The following ZFC3H1 variants were observed in gnomAD, a reference collection of about 807,000 sequenced individuals.
ZFC3H1 encodes the protein zinc finger C3H1 domain-containing protein.
ZFC3H1 carries 71 observed loss-of-function variants against 243.7 expected under a neutral mutation model. The ratio of observed to expected loss-of-function variants is 0.29; its 90% CI spans 0.24 to 0.36. The LOEUF (loss-of-function observed/expected upper bound fraction) is 0.36, where lower values mean the gene tolerates loss of function less well. Among genes scored for constraint, ZFC3H1 ranks in the 10% least tolerant of loss-of-function variants. The pLI, the probability that ZFC3H1 is intolerant of heterozygous loss-of-function variation, is 1.00. For missense variants in ZFC3H1, 1,966 were observed against 2,317.1 expected, an observed-to-expected ratio of 0.85 and a Z score of 3.11; for synonymous variants, 838 against 813.0, an observed-to-expected ratio of 1.03 and a Z score of -0.52.
At chr12:71,636,756 A>G in intron 8 of ZFC3H1, 94 bp downstream of exon 8, 1 of 1,557,574 alleles carries the variant, frequency 6.4e-7, no homozygotes, top group Non-Finnish European at 8.7e-7. Flanking sequence ...ACTTTGCTGA[A>G]AAGCCCAATG....
chr12:71,647,354 T>C (rs1880754013), intron 3 of ZFC3H1, among the ~76,000 whole-genome samples: 1 of 152,138 alleles, frequency 6.6e-6, no homozygotes, highest in Admixed American at 6.5e-5. Flanking sequence ...CTAAATAGTT[T>C]ATACAAAGTC....
chr12:71,624,275 A>G lies in ZFC3H1; in HGVS notation c.4335T>C (p.Ser1445=). 6.2e-7 allele frequency: 1 copy of G among 1,611,736 alleles called. No homozygotes were observed. Among genetic ancestry groups the G allele is most frequent in the Non-Finnish European group, 8.5e-7 (1 of 1,178,838 alleles). ...ATACGTAATCCTTTTCTTCAAAGGT[A>G]CTTTCTAGGTGTAGAAACTGCCCAA... The part of the protein sequence containing the change: ...QSFWTFLHLE[S]TFEEKDYVCE... The change falls in exon 23 of 35, where the codon AGT becomes AGC. Residue 1445 remains serine, a synonymous_variant. Transcript: ENST00000378743.
Position 71,610,760 on chromosome 12 carries a change from G to A in ZFC3H1, c.5770-3C>T. 3.1e-6 allele frequency: 5 copies of A among 1,612,396 alleles called. No individual in the cohort carries two copies. Among genetic ancestry groups the A allele is most frequent in the Non-Finnish European group, 2.5e-6 (3 of 1,179,160 alleles). ...GCTCTCTGATATAAACGGTGGACCT[G>A]TAAGATAGATATACACACAATTCCA... On this transcript the variant is annotated splice_region_variant and splice_polypyrimidine_tract_variant and intron_variant, in intron 33 of 34. Coordinates refer to ENST00000378743, the MANE Select transcript of ZFC3H1 (RefSeq NM_144982.5).
At chr12:71,630,419 G>C (rs1205225991) in intron 18 of ZFC3H1, among the ~76,000 whole-genome samples, 181 bp downstream of exon 18, 1 of 152,170 alleles carries the variant, frequency 6.6e-6, no homozygotes. Context: ...AATGTGGCTA[G>C]TGTAACAGAG....
At chr12:71,641,960 A>G (rs1379086910) in intron 6 of ZFC3H1, among the ~76,000 whole-genome samples, 1 of 152,068 alleles carries the variant, frequency 6.6e-6, no homozygotes, top group Non-Finnish European at 1.5e-5. Flanking sequence ...AGAAATTCTC[A>G]TGCCTTAGCC....
intron 7 of ZFC3H1, 113 bp from the exon 8 acceptor site, chr12:71,637,172 T>A: frequency 1.1e-6 from 1 of 915,946 alleles, no homozygotes; most frequent in Non-Finnish European, 1.6e-6. Flanking sequence ...ATTTTAGCTG[T>A]AAATATAGTA....
At position 71,611,876 on chromosome 12, in the gene ZFC3H1, T is replaced by C. The variant is rs1879782965; in HGVS notation, c.5639A>G (p.His1880Arg). Residue 1880 changes from histidine to arginine, a missense_variant, in exon 32 of 35, where the codon CAT (histidine) becomes CGT (arginine). Physicochemically the swap from His to Arg is conservative, Grantham distance 29. Coordinates refer to ENST00000378743, the MANE Select transcript of ZFC3H1 (RefSeq NM_144982.5). ...NSGLALRLLQ[H>R]EWEESNVQIL... ...CTGAACATTGCTTTCTTCCCATTCATGTTGAAGTAACCTGTAAAGTACATT... is the reference window on the plus strand; with the variant it reads ...CTGAACATTGCTTTCTTCCCATTCACGTTGAAGTAACCTGTAAAGTACATT... 14 of 1,599,376 alleles carry C rather than the reference T, an allele frequency of 8.8e-6. No homozygotes were observed. The highest frequency in any genetic ancestry group is 1.1e-5 in the Non-Finnish European group (13 of 1,171,166).
chr12:71,638,425 T>C lies in ZFC3H1; in HGVS notation c.1718A>G (p.Gln573Arg). The stretch of plus-strand genomic sequence containing the variant: ...AAATCAATTCTGACTTACAGAAACC[T>C]GAGGTGGTGGAGGCAAAGAAAGAGA... ...APSLSLPPPP[Q>R]VSSLPPLSQP... The change falls in exon 7 of 35, where the codon CAG (glutamine) becomes CGG (arginine). Residue 573 changes from glutamine (Q) to arginine (R), a missense_variant. This residue lies in a region of ZFC3H1 where 1,383 missense variants were observed against 1,723.7 expected (regional missense o/e 0.80). Transcript: ENST00000378743. The C allele has an allele frequency of 1.2e-6, 2 of 1,611,664 alleles. No homozygotes were observed. The highest frequency in any genetic ancestry group is 1.7e-6 in the Non-Finnish European group (2 of 1,179,192).
At chr12:71,651,293 T>A (rs1880880426) in intron 2 of ZFC3H1, among the ~76,000 whole-genome samples, 1 of 152,204 alleles carries the variant, frequency 6.6e-6, no homozygotes, top group Admixed American at 6.5e-5. Flanking sequence ...TTTCTTTAAA[T>A]CTCACCTTCA....
intron 27 of ZFC3H1, among the ~76,000 whole-genome samples, chr12:71,619,107 T>C (rs1180780655): frequency 6.6e-6 from 1 of 152,210 alleles, no homozygotes; most frequent in Non-Finnish European, 1.5e-5. Flanking sequence ...CTTTGTACAG[T>C]GTGTTTAATC....
Position 71,663,321 on chromosome 12 carries a change from T to C in ZFC3H1, c.290A>G (p.His97Arg), listed in dbSNP as rs1881240985. 6.2e-7 allele frequency: 1 copy of C among 1,613,010 alleles called. No homozygotes were observed. The change falls in exon 1 of 35, where the codon CAC (histidine) becomes CGC (arginine). Residue 97 changes from histidine to arginine, a missense_variant. Around this residue, in one of 4 missense-constraint regions of ZFC3H1, gnomAD observed 484 missense variants for 449.7 expected, o/e 1.08. Transcript: ENST00000378743. ...SRSRHASERG[H>R]LRGPSSYRPK... Reference sequence around the variant, plus strand: ...TCGGTAGCTGCTGGGTCCCCTGAGGTGGCCCCGCTCAGACGCGTGCCGCGA... The same window carrying C: ...TCGGTAGCTGCTGGGTCCCCTGAGGCGGCCCCGCTCAGACGCGTGCCGCGA...
chr12:71,645,592 A>T (rs866360659), intron 3 of ZFC3H1, among the ~76,000 whole-genome samples: 3 of 151,988 alleles, frequency 2.0e-5, no homozygotes, highest in Non-Finnish European at 2.9e-5. Context: ...TAATTCTTTA[A>T]ATTACTATTG....
At chr12:71,630,528 C>T (rs1880296810) in intron 18 of ZFC3H1, 72 bp downstream of exon 18, 2 of 1,533,576 alleles carry the variant, frequency 1.3e-6, no homozygotes, top group Non-Finnish European at 8.8e-7. Context: ...ACAATGTCAA[C>T]AACTAATATA....
At chr12:71,655,337 T>C (rs1346943635) in intron 2 of ZFC3H1, among the ~76,000 whole-genome samples, 1 of 152,072 alleles carries the variant, frequency 6.6e-6, no homozygotes, top group Non-Finnish European at 1.5e-5. Context: ...TTAGAAAATA[T>C]TCAGAATGAA....
Position 71,623,547 on chromosome 12 carries a change from G to A in ZFC3H1, c.4557C>T (p.Thr1519=), listed in dbSNP as rs1190457990. ...NDGIVAEYLK[T]SDRCLAWLAY... is the part of the protein sequence containing the mutation. ...CCAACCATGCCAAACATCGATCACT[G>A]GTTTTAAGGTATTCAGCTACTATTC... The change falls in exon 24 of 35, where the codon ACC becomes ACT. Residue 1519 remains threonine, a synonymous_variant. Coordinates refer to ENST00000378743, the MANE Select transcript of ZFC3H1 (RefSeq NM_144982.5). 2 of 1,613,186 alleles carry A rather than the reference G, an allele frequency of 1.2e-6. No homozygotes were observed. The highest frequency in any genetic ancestry group is 1.7e-6 in the Non-Finnish European group (2 of 1,179,778).
At chr12:71,631,713 A>G (rs1490423566) in intron 16 of ZFC3H1, 65 bp downstream of exon 16, 1 of 1,331,812 alleles carries the variant, frequency 7.5e-7, no homozygotes, top group African/African-American at 1.5e-5. Flanking sequence ...CAAATATTCA[A>G]GATAAAATAT....
chr12:71,613,240 C>T (rs1879815737), intron 31 of ZFC3H1, 95 bp downstream of exon 31: 1 of 862,236 alleles, frequency 1.2e-6, no homozygotes, highest in South Asian at 2.1e-5. Context: ...CATAGTGGAA[C>T]AACAGACTAT....
chr12:71,652,951 C>CAA (rs150446148), intron 2 of ZFC3H1, among the ~76,000 whole-genome samples: 26 of 133,740 alleles, frequency 1.9e-4, no homozygotes, highest in Admixed American at 5.3e-4. Flanking sequence ...CACTAAAATT[C>CAA]AAAAAAAAAC....
chr12:71,636,677 T>C, intron 8 of ZFC3H1, 23 bp from the exon 9 acceptor site: 10 of 1,588,120 alleles, frequency 6.3e-6, no homozygotes, highest in Non-Finnish European at 8.5e-6. Context: ...GAGAAAGACA[T>C]TAAACATTCC....
Sources: gnomAD v4.1 joint callset for allele counts (sites outside exome capture counted in the v4.1 genomes callset) on GRCh38, gnomAD v4.1.1 for gene constraint, gnomAD v4.1.1 regional missense constraint, MANE v1.5 for transcripts, NCBI Gene and HGNC (gene_info 2026-07-23, HGNC 2026-07-21) for gene names.